Variants in FBN1 observed in about 807,000 individuals in gnomAD.
FBN1 encodes fibrillin-1.
In FBN1, 29 loss-of-function variants were observed where a neutral mutation model predicts 365.1. The ratio of observed to expected loss-of-function variants is 0.08; its 90% confidence interval spans 0.06 to 0.11. The LOEUF is 0.11. Ranked by LOEUF, FBN1 falls within the 10% of genes least tolerant of loss-of-function variation. The pLI is 1.00. For missense variants in FBN1, 2,476 were observed against 3,703.2 expected, an observed-to-expected ratio of 0.67 and a Z score of 8.60; for synonymous variants, 1,210 against 1,270.5, an observed-to-expected ratio of 0.95 and a Z score of 1.01.
intron 7 of FBN1, among the ~76,000 whole-genome samples, chr15:48,534,700 C>A (rs775102282): frequency 6.6e-6 from 1 of 152,158 alleles, no homozygotes; most frequent in East Asian, 1.9e-4. Flanking sequence ...TCAGACTACA[C>A]GAGACAGCTA....
intron 6 of FBN1, among the ~76,000 whole-genome samples, chr15:48,582,552 T>C (rs1253315275): frequency 6.6e-6 from 1 of 152,194 alleles, no homozygotes; most frequent in Non-Finnish European, 1.5e-5. Context: ...ACGTAAACCA[T>C]TACAAATGTA....
chr15:48,628,130 C>G (rs1889920066), intron 2 of FBN1, among the ~76,000 whole-genome samples: 1 of 152,148 alleles, frequency 6.6e-6, no homozygotes, highest in African/African-American at 2.4e-5. Context: ...GGTGATGTGC[C>G]TGGCACACAT....
At chr15:48,578,999 A>C (rs1012688579) in intron 6 of FBN1, among the ~76,000 whole-genome samples, 1 of 150,404 alleles carries the variant, frequency 6.6e-6, no homozygotes, top group African/African-American at 2.5e-5. Context: ...TAAAACTTAA[A>C]GTATAATAAT....
intron 6 of FBN1, among the ~76,000 whole-genome samples, chr15:48,575,394 C>G (rs1285573934): frequency 6.6e-6 from 1 of 152,196 alleles, no homozygotes; most frequent in Non-Finnish European, 1.5e-5. Context: ...AGGTTTCTTA[C>G]ATGCACATAT....
intron 6 of FBN1, among the ~76,000 whole-genome samples, chr15:48,569,198 T>C (rs2044285645): frequency 6.6e-6 from 1 of 151,896 alleles, no homozygotes; most frequent in South Asian, 2.1e-4. Context: ...CCAAAGAAGA[T>C]ACATGAATAG....
At chr15:48,437,654 A>C in intron 51 of FBN1, 114 bp downstream of exon 51, 2 of 1,147,506 alleles carry the variant, frequency 1.7e-6, no homozygotes, top group Non-Finnish European at 2.5e-6. Context: ...CATTCTAATT[A>C]GACTTACAAT....
intron 6 of FBN1, among the ~76,000 whole-genome samples, chr15:48,557,196 C>A (rs938173627): frequency 1.3e-5 from 2 of 152,154 alleles, no homozygotes; most frequent in African/African-American, 2.4e-5. Flanking sequence ...TATGTGAATT[C>A]CTGACTTTGA....
chr15:48,428,781 C>T (rs1035674760), intron 56 of FBN1, among the ~76,000 whole-genome samples: 1 of 152,184 alleles, frequency 6.6e-6, no homozygotes, highest in Non-Finnish European at 1.5e-5. Flanking sequence ...CCATCTGAAT[C>T]TTTTATAGAA....
chr15:48,434,857 G>A (rs2043053591), intron 53 of FBN1, 144 bp from the exon 54 acceptor site: 1 of 982,448 alleles, frequency 1.0e-6, no homozygotes, highest in Non-Finnish European at 1.6e-6. Flanking sequence ...CAGTGCTGTG[G>A]CGCGATTTCA....
chr15:48,456,774 G>A lies in FBN1; in HGVS notation c.5297-12C>T, dbSNP rs1212506869. 5 of 1,611,952 alleles carry A rather than the reference G, an allele frequency of 3.1e-6. No homozygotes were observed. The highest frequency in any genetic ancestry group is 1.1e-5 in the South Asian group (1 of 91,062). Reference sequence around the variant, plus strand: ...GCACTCATCAATATCTAGAGACAGAGTAGTCATTCATGAGTGACAGGACAG... The same window carrying A: ...GCACTCATCAATATCTAGAGACAGAATAGTCATTCATGAGTGACAGGACAG... On this transcript the variant is annotated splice_polypyrimidine_tract_variant and intron_variant, in intron 43 of 65. Coordinates refer to ENST00000316623, the MANE Select transcript of FBN1 (RefSeq NM_000138.5).
chr15:48,442,175 T>C (rs2043121011), intron 49 of FBN1, among the ~76,000 whole-genome samples: 1 of 152,120 alleles, frequency 6.6e-6, no homozygotes, highest in South Asian at 2.1e-4. Context: ...GAAAGAAGCA[T>C]GAAATTCTAG....
At chr15:48,616,638 A>G (rs531284099) in intron 2 of FBN1, among the ~76,000 whole-genome samples, 1 of 152,314 alleles carries the variant, frequency 6.6e-6, no homozygotes, top group Non-Finnish European at 1.5e-5. Context: ...AATCTTTAAT[A>G]AAGTTACTCT....
intron 6 of FBN1, among the ~76,000 whole-genome samples, chr15:48,567,225 T>C (rs1430615936): frequency 6.6e-6 from 1 of 152,220 alleles, no homozygotes; most frequent in Non-Finnish European, 1.5e-5. Flanking sequence ...ATCAATTTCA[T>C]GGAGTAATTT....
chr15:48,531,934 A>G (rs1385042679), intron 8 of FBN1, among the ~76,000 whole-genome samples: 1 of 152,246 alleles, frequency 6.6e-6, no homozygotes, highest in Non-Finnish European at 1.5e-5. Flanking sequence ...AAAGGAAAAA[A>G]AAATCTAGCC....
Position 48,644,750 on chromosome 15 carries a change from A to G in FBN1, c.20T>C (p.Leu7Pro). 6.2e-7 allele frequency: 1 copy of G among 1,612,582 alleles called. No individual in the cohort carries two copies. Among genetic ancestry groups the G allele is most frequent in the Non-Finnish European group, 8.5e-7 (1 of 1,179,944 alleles). Reference sequence around the variant, plus strand: ...CACGGTAAATCCCAGGGCGATCTCCAGCAGACGCCCTCGACGCATGATGCC... The same window carrying G: ...CACGGTAAATCCCAGGGCGATCTCCGGCAGACGCCCTCGACGCATGATGCC... MRRGRL[L>P]EIALGFTVLL... Residue 7 changes from leucine (L) to proline (P), a missense_variant, in exon 2 of 66, where the codon CTG becomes CCG. Leu to Pro is a moderately conservative substitution (Grantham distance 98). Coordinates refer to ENST00000316623, the MANE Select transcript of FBN1 (RefSeq NM_000138.5).
At chr15:48,629,658 G>A (rs1230662860) in intron 2 of FBN1, among the ~76,000 whole-genome samples, 1 of 152,182 alleles carries the variant, frequency 6.6e-6, no homozygotes, top group Non-Finnish European at 1.5e-5. Flanking sequence ...AATGCAATGA[G>A]GGAGAGAAGA....
intron 6 of FBN1, among the ~76,000 whole-genome samples, chr15:48,566,383 T>C (rs957234959): frequency 2.0e-5 from 3 of 152,258 alleles, no homozygotes; most frequent in Admixed American, 2.0e-4. Context: ...ACACCTATTT[T>C]ACTTGTGTCT....
intron 13 of FBN1, among the ~76,000 whole-genome samples, chr15:48,512,649 A>G (rs1412688986): frequency 6.6e-6 from 1 of 152,192 alleles, no homozygotes; most frequent in African/African-American, 2.4e-5. Flanking sequence ...TGCAACGGAC[A>G]TGATCTCATT....
chr15:48,452,797 G>C (rs2043211642), intron 44 of FBN1, 113 bp from the exon 45 acceptor site: 1 of 1,229,482 alleles, frequency 8.1e-7, no homozygotes, highest in African/African-American at 1.5e-5. Flanking sequence ...CTATTGAAAA[G>C]ACAACATAGA....
Sources: gnomAD v4.1 joint callset for allele counts (sites outside exome capture counted in the v4.1 genomes callset) on GRCh38, gnomAD v4.1.1 for gene constraint, MANE v1.5 for transcripts, NCBI Gene and HGNC (gene_info 2026-07-23, HGNC 2026-07-21) for gene names.